Variants in PM20D2 observed in about 807,000 individuals in gnomAD.
PM20D2 encodes peptidase M20 domain containing 2.
Under a neutral mutation model 42.9 loss-of-function variants are expected in PM20D2, and 33 were observed. The ratio of observed to expected loss-of-function variants is 0.77; its 90% confidence interval spans 0.58 to 1.03. The LOEUF is 1.03. PM20D2 is among the 50% of genes least tolerant of loss of function. The pLI is 0.00. For missense variants in PM20D2, 548 were observed against 557.0 expected (o/e 0.98, Z 0.16); for synonymous variants, 250 against 228.2 (o/e 1.10, Z -0.86).
chr6:89,094,781 CTTTTT>C, the PM20D2 span, among the ~76,000 whole-genome samples: 3 of 138,856 alleles, frequency 2.2e-5, no homozygotes, highest in Admixed American at 7.2e-5. Context: ...TGCTACGCAT[CTTTTT>C]TTTTTTTTTT....
upstream of PM20D2, among the ~76,000 whole-genome samples, chr6:89,141,975 C>G (rs1394705394): frequency 1.3e-5 from 1 of 77,158 alleles, no homozygotes; most frequent in Non-Finnish European, 2.6e-5. Context: ...GGCTTATTTA[C>G]TATTTATTTT....
chr6:89,112,638 C>T, the PM20D2 span, among the ~76,000 whole-genome samples: 4 of 151,878 alleles, frequency 2.6e-5, no homozygotes, highest in African/African-American at 7.3e-5. Context: ...CCTTGAACTC[C>T]TGTCCTCAAG....
At chr6:89,095,335 C>T in the PM20D2 span, among the ~76,000 whole-genome samples, 2 of 152,286 alleles carry the variant, frequency 1.3e-5, no homozygotes, top group South Asian at 2.1e-4. Context: ...AAGAGATTCT[C>T]GCGCCTCAGC....
intron 5 of PM20D2, among the ~76,000 whole-genome samples, chr6:89,159,039 TCAAGAG>T (rs1771146472): frequency 6.6e-6 from 1 of 152,022 alleles, no homozygotes; most frequent in African/African-American, 2.4e-5. Flanking sequence ...GATAAGGAGT[TCAAGAG>T]AAAGAGCAGG....
chr6:89,107,626 G>T, the PM20D2 span, among the ~76,000 whole-genome samples: 1 of 152,122 alleles, frequency 6.6e-6, no homozygotes. Flanking sequence ...AGCTACTCGG[G>T]AGGCTGAGGC....
chr6:89,138,536 G>A, the PM20D2 span, among the ~76,000 whole-genome samples: 1 of 151,996 alleles, frequency 6.6e-6, no homozygotes, highest in Admixed American at 6.6e-5. Flanking sequence ...AAAAAAATTG[G>A]CCAGCTATCA....
chr6:89,125,422 G>GTGAGCC, the PM20D2 span, among the ~76,000 whole-genome samples: 1 of 152,020 alleles, frequency 6.6e-6, no homozygotes, highest in Admixed American at 6.6e-5. Flanking sequence ...GGAGGTTGCA[G>GTGAGCC]TGAGCCGAGA....
At position 89,162,106 on chromosome 6, in the gene PM20D2, T is replaced by C. The variant is rs1771263853; in HGVS notation, c.1157-3T>C. 6.2e-7 allele frequency: 1 copy of C among 1,600,024 alleles called. No individual in the cohort carries two copies. Among genetic ancestry groups the C allele is most frequent in the Non-Finnish European group, 8.5e-7 (1 of 1,175,680 alleles). On this transcript the variant is annotated splice_polypyrimidine_tract_variant and splice_region_variant and intron_variant, in intron 6 of 6. Transcript: ENST00000275072. ...GAGGTATTTTATTTTCTCTACCTTT[T>C]AGGGTCACAGGAAGCTCAGTTCTAC...
chr6:89,153,021 C>A, intron 2 of PM20D2, 22 bp from the exon 3 acceptor site: 1 of 1,552,156 alleles, frequency 6.4e-7, no homozygotes, highest in Non-Finnish European at 8.7e-7. Flanking sequence ...AAAGTAATTT[C>A]AAATGATTTT....
At chr6:89,107,911 T>TTA in the PM20D2 span, among the ~76,000 whole-genome samples, 1 of 152,322 alleles carries the variant, frequency 6.6e-6, no homozygotes, top group South Asian at 2.1e-4. Flanking sequence ...CCTCTGAAAG[T>TTA]TATTATAAGA....
chr6:89,128,402 GTTCTCTGCTCTCAAACCCTGTTT>G, the PM20D2 span, among the ~76,000 whole-genome samples: 32 of 147,750 alleles, frequency 2.2e-4, no homozygotes, highest in African/African-American at 8.3e-4. Context: ...GGTCAGATCA[GTTCTCTGCTCTCAAACCCTGTTT>G]TCTGTTGTTT....
At chr6:89,117,765 G>A in the PM20D2 span, 29 of 1,488,162 alleles carry the variant, frequency 1.9e-5, no homozygotes, top group Admixed American at 4.6e-5. Context: ...GTGCTCCGCG[G>A]CGCGGCTGTT....
At chr6:89,109,602 C>G in the PM20D2 span, among the ~76,000 whole-genome samples, 16 of 152,156 alleles carry the variant, frequency 1.1e-4, no homozygotes, top group Non-Finnish European at 8.8e-5. Flanking sequence ...CACTGTGTGC[C>G]ACAGAGGTCT....
At position 89,149,268 on chromosome 6, in the gene PM20D2, G is replaced by A; in HGVS notation, c.469G>A (p.Val157Ile). The A allele has an allele frequency of 1.2e-6, 2 of 1,613,558 alleles. No homozygotes were observed. The highest frequency in any genetic ancestry group is 1.7e-4 in the Middle Eastern group (1 of 6,060). ...LPRPPPPVKV[V>I]VLGTPAEEDG... ...TGACATGAGTATTTCCTTCTAGGTA[G>A]TTGTCCTGGGAACCCCTGCAGAAGA... is the stretch of plus-strand genomic sequence containing the variant. Residue 157 changes from valine to isoleucine, a missense_variant, in exon 2 of 7, where the codon GTT becomes ATT. Physicochemically the swap from Val to Ile is conservative, Grantham distance 29. This residue lies in a region of PM20D2 where 470 missense variants were observed against 464.4 expected (regional missense o/e 1.01). Coordinates refer to ENST00000275072, the MANE Select transcript of PM20D2 (RefSeq NM_001010853.3).
the PM20D2 span, among the ~76,000 whole-genome samples, chr6:89,121,882 T>C: frequency 6.6e-6 from 1 of 152,246 alleles, no homozygotes; most frequent in South Asian, 2.1e-4. Context: ...TTTGAAAATA[T>C]TTTAGGAAAA....
At chr6:89,124,442 T>C in the PM20D2 span, among the ~76,000 whole-genome samples, 1 of 152,216 alleles carries the variant, frequency 6.6e-6, no homozygotes, top group South Asian at 2.1e-4. Flanking sequence ...ATTATAATAT[T>C]GTTTCATTAG....
chr6:89,133,201 C>G, the PM20D2 span, among the ~76,000 whole-genome samples: 1 of 150,398 alleles, frequency 6.6e-6, no homozygotes, highest in East Asian at 1.9e-4. Context: ...TGCACTCCAA[C>G]CTGGGCAACA....
At chr6:89,113,123 A>C in the PM20D2 span, among the ~76,000 whole-genome samples, 1 of 152,200 alleles carries the variant, frequency 6.6e-6, no homozygotes, top group Non-Finnish European at 1.5e-5. Flanking sequence ...ACTGTAACTG[A>C]AATCATGCTG....
chr6:89,128,410 C>T, the PM20D2 span, among the ~76,000 whole-genome samples: 5 of 147,666 alleles, frequency 3.4e-5, no homozygotes, highest in South Asian at 8.3e-4. Context: ...CAGTTCTCTG[C>T]TCTCAAACCC....
Sources: allele counts gnomAD v4.1 joint callset (sites outside exome capture counted in the v4.1 genomes callset), GRCh38; gene constraint gnomAD v4.1.1; regional missense constraint gnomAD v4.1.1; transcripts MANE v1.5; gene names NCBI Gene and HGNC (gene_info 2026-07-23, HGNC 2026-07-21).